INTS9: variants seen among roughly 807,000 people sequenced by gnomAD.
INTS9 encodes protein related to CPSF subunits of 74 kDa.
In INTS9, 55 loss-of-function variants were observed where a neutral mutation model predicts 79.7. The observed-to-expected ratio is 0.69, with a 90% CI of 0.56 to 0.86. INTS9 has a LOEUF of 0.86. INTS9 is among the 40% of genes least tolerant of loss of function. The probability of loss-of-function intolerance (pLI) is 0.00; values close to 1 mark genes in which losing one functional copy is unlikely to be tolerated. For missense variants in INTS9, 721 were observed against 831.5 expected (o/e 0.87, Z 1.64); for synonymous variants, 319 against 325.2 (o/e 0.98, Z 0.20).
chr8:28,780,627 G>A, intron 12 of INTS9, 196 bp downstream of exon 12: 1 of 985,440 alleles, frequency 1.0e-6, no homozygotes, highest in Non-Finnish European at 1.2e-6. Flanking sequence ...AGGCCTCGCT[G>A]GATGCCCAGC....
intron 2 of INTS9, among the ~76,000 whole-genome samples, chr8:28,854,744 G>C (rs1047281564): frequency 7.2e-5 from 11 of 152,096 alleles, no homozygotes; most frequent in Non-Finnish European, 1.5e-4. Flanking sequence ...GGGACAAGTG[G>C]AGGCAGCATC....
chr8:28,869,625 A>G (rs996829232), intron 1 of INTS9, among the ~76,000 whole-genome samples: 2 of 152,122 alleles, frequency 1.3e-5, no homozygotes, highest in Non-Finnish European at 2.9e-5. Context: ...CCCTCCAACA[A>G]TCAGAGTTCT....
rs1390535838 is a variant in INTS9, at chr8:28,889,928, C to T, written c.-46G>A. 9.0e-6 allele frequency: 14 copies of T among 1,561,622 alleles called. No homozygotes were observed. The highest frequency in any genetic ancestry group is 1.7e-4 in the Middle Eastern group (1 of 5,944). On this transcript the variant is annotated 5_prime_UTR_variant, in exon 1 of 17. Transcript: ENST00000521022. ...ATAGCAGTCACTGAACTCCTCAAAC[C>T]CAGGAAGCGTCTTCCGGTGCAATCT...
At chr8:28,813,120 T>C (rs1805250493) in intron 7 of INTS9, among the ~76,000 whole-genome samples, 1 of 152,210 alleles carries the variant, frequency 6.6e-6, no homozygotes, top group African/African-American at 2.4e-5. Flanking sequence ...TGAGTAGCTC[T>C]GGGCACAGGA....
At chr8:28,874,630 A>G (rs974833664) in intron 1 of INTS9, among the ~76,000 whole-genome samples, 17 of 152,132 alleles carry the variant, frequency 1.1e-4, no homozygotes, top group Non-Finnish European at 2.4e-4. Flanking sequence ...CTTTTCCTGG[A>G]AAACAGAGAA....
chr8:28,816,253 T>C (rs1805471658), intron 6 of INTS9, among the ~76,000 whole-genome samples: 1 of 151,030 alleles, frequency 6.6e-6, no homozygotes, highest in Non-Finnish European at 1.5e-5. Flanking sequence ...GCTGCACCCA[T>C]TAACTCGTCA....
intron 1 of INTS9, among the ~76,000 whole-genome samples, chr8:28,875,958 A>G (rs1809360772): frequency 6.6e-6 from 1 of 152,236 alleles, no homozygotes; most frequent in African/African-American, 2.4e-5. Flanking sequence ...AGTCATCAAC[A>G]TAGTCATCAA....
At chr8:28,879,377 G>A (rs565859719) in intron 1 of INTS9, among the ~76,000 whole-genome samples, 8 of 152,214 alleles carry the variant, frequency 5.3e-5, no homozygotes, top group East Asian at 1.9e-4. Context: ...AACCATTTAC[G>A]ATAAAAATAC....
At chr8:28,789,859 C>CA (rs1329374887) in intron 10 of INTS9, among the ~76,000 whole-genome samples, 1 of 150,294 alleles carries the variant, frequency 6.7e-6, no homozygotes, top group African/African-American at 2.4e-5. Flanking sequence ...GCCTGGGCGA[C>CA]AGAGTGAGAG....
chr8:28,785,655 A>T (rs1468663666), intron 11 of INTS9, among the ~76,000 whole-genome samples: 2 of 152,204 alleles, frequency 1.3e-5, no homozygotes, highest in Non-Finnish European at 2.9e-5. Flanking sequence ...GGAGAATGGT[A>T]TCTAGAAACC....
At chr8:28,802,336 G>C (rs1395198192) in intron 8 of INTS9, among the ~76,000 whole-genome samples, 2 of 152,132 alleles carry the variant, frequency 1.3e-5, no homozygotes, top group African/African-American at 4.8e-5. Flanking sequence ...TTACTATCAG[G>C]CTTTTGGTTA....
At chr8:28,783,101 C>T (rs541591609) in intron 11 of INTS9, among the ~76,000 whole-genome samples, 75 of 140,006 alleles carry the variant, frequency 5.4e-4, no homozygotes, top group African/African-American at 1.9e-3. Flanking sequence ...GCCGAGATGG[C>T]GCCACTGCAC....
At chr8:28,770,900 GC>G (rs1197585987) in intron 15 of INTS9, 81 bp downstream of exon 15, 4 of 935,902 alleles carry the variant, frequency 4.3e-6, no homozygotes, top group Non-Finnish European at 6.7e-6. Flanking sequence ...CACATGAAGC[GC>G]TATTTCAAAT....
intron 1 of INTS9, among the ~76,000 whole-genome samples, chr8:28,879,586 G>A (rs1230084209): frequency 6.6e-6 from 1 of 152,052 alleles, no homozygotes; most frequent in Non-Finnish European, 1.5e-5. Flanking sequence ...GCAAGAAAAA[G>A]AAGTGAAAAC....
At chr8:28,887,996 C>A (rs1441360104) in intron 1 of INTS9, among the ~76,000 whole-genome samples, 1 of 152,154 alleles carries the variant, frequency 6.6e-6, no homozygotes. Context: ...AAAACTATTT[C>A]ACACTTCCCT....
At chr8:28,856,172 A>C (rs1003942890) in intron 2 of INTS9, among the ~76,000 whole-genome samples, 3 of 152,214 alleles carry the variant, frequency 2.0e-5, no homozygotes, top group Non-Finnish European at 4.4e-5. Flanking sequence ...GCAGCACTGA[A>C]GAGAAGTGAC....
chr8:28,777,943 G>A lies in INTS9; in HGVS notation c.1281C>T (p.Phe427=), dbSNP rs774992643. 3.1e-6 allele frequency: 5 copies of A among 1,610,778 alleles called. No individual in the cohort carries two copies. The highest frequency in any genetic ancestry group is 4.2e-6 in the Non-Finnish European group (5 of 1,178,608). Residue 427 remains phenylalanine, a synonymous_variant, in exon 13 of 17, where the codon TTC becomes TTT. Transcript: ENST00000521022. ...LNTVIFTEPD[F]SYLEALAPYQ... is the part of the protein sequence containing the mutation. Reference sequence around the variant, plus strand: ...AAGGAGCCAGGGCTTCCAGGTAGGAGAAGTCTGGTTCTAGGGAAAGTACAA... The same window carrying A: ...AAGGAGCCAGGGCTTCCAGGTAGGAAAAGTCTGGTTCTAGGGAAAGTACAA...
chr8:28,870,319 AT>A (rs11391131), intron 1 of INTS9, among the ~76,000 whole-genome samples: 168 of 112,962 alleles, frequency 1.5e-3, no homozygotes, highest in South Asian at 3.6e-3. Flanking sequence ...AACATTAACC[AT>A]TTTTTTTTTT....
chr8:28,770,183 C>T (rs1020338010), intron 15 of INTS9, among the ~76,000 whole-genome samples, 157 bp from the exon 16 acceptor site: 4 of 152,244 alleles, frequency 2.6e-5, no homozygotes, highest in Admixed American at 1.3e-4. Context: ...CCCTGGCTGC[C>T]GGGAGCCCCA....
Sources: gnomAD v4.1 joint callset for allele counts (sites outside exome capture counted in the v4.1 genomes callset) on GRCh38, gnomAD v4.1.1 for gene constraint, MANE v1.5 for transcripts, NCBI Gene and HGNC (gene_info 2026-07-23, HGNC 2026-07-21) for gene names.